The following CEP104 variants were observed in gnomAD, a reference collection of about 807,000 sequenced individuals.
The protein encoded by CEP104 is centrosomal protein 104, also known as centrosomal protein of 104 kDa.
CEP104 carries 84 observed loss-of-function variants against 113.3 expected under a neutral mutation model. That is an observed-to-expected ratio of 0.74 (90% CI 0.62 to 0.89). The LOEUF is 0.89. CEP104 is among the 40% of genes least tolerant of loss of function. CEP104 has a pLI of 0.00. For synonymous variants in CEP104, 378 were observed against 421.7 expected (o/e 0.90, Z 1.27); for missense variants, 1,053 against 1,156.6 (o/e 0.91, Z 1.30).
At chr1:3,820,905 G>A (rs563677369) in intron 20 of CEP104, among the ~76,000 whole-genome samples, 31 of 152,312 alleles carry the variant, frequency 2.0e-4, no homozygotes, top group African/African-American at 6.3e-4. Context: ...TTTGGAAACC[G>A]GGGCCCATGG....
chr1:3,856,070 C>T, intron 1 of CEP104: 1 of 474,036 alleles, frequency 2.1e-6, no homozygotes, highest in Non-Finnish European at 2.8e-6. Context: ...CATTTTGTTA[C>T]AAGACTAGGA....
At chr1:3,843,346 A>G in intron 6 of CEP104, 1 of 526,956 alleles carries the variant, frequency 1.9e-6, no homozygotes, top group South Asian at 2.5e-5. Flanking sequence ...AAAAAGAGGA[A>G]GCGGCAACAG....
chr1:3,848,547 A>AAAAAAT, intron 3 of CEP104, 61 bp downstream of exon 3: 4 of 1,390,902 alleles, frequency 2.9e-6, no homozygotes, highest in Non-Finnish European at 4.0e-6. Flanking sequence ...AAAAAAAAAA[A>AAAAAAT]GAGCTTTCAG....
chr1:3,856,719 G>A (rs146639112), intron 1 of CEP104, among the ~76,000 whole-genome samples, 170 bp downstream of exon 1: 1 of 152,092 alleles, frequency 6.6e-6, no homozygotes, highest in Admixed American at 6.5e-5. Context: ...GCTCTTCGGC[G>A]ACAGCAAGGC....
chr1:3,842,629 C>T (rs1644433723), intron 6 of CEP104, among the ~76,000 whole-genome samples: 1 of 152,252 alleles, frequency 6.6e-6, no homozygotes, highest in Non-Finnish European at 1.5e-5. Context: ...GAATTAATCA[C>T]TTTCTGCGAG....
chr1:3,822,615 A>G (rs1401501338), intron 20 of CEP104, among the ~76,000 whole-genome samples: 3 of 152,142 alleles, frequency 2.0e-5, no homozygotes, highest in Non-Finnish European at 4.4e-5. Flanking sequence ...GGAGCCTTGC[A>G]CGCCCATGTC....
At chr1:3,830,102 C>T in intron 13 of CEP104, 105 bp from the exon 14 acceptor site, 1 of 801,124 alleles carries the variant, frequency 1.2e-6, no homozygotes, top group Non-Finnish European at 2.1e-6. Flanking sequence ...AAAGAGAAAA[C>T]ATCCGTATTA....
intron 20 of CEP104, among the ~76,000 whole-genome samples, chr1:3,818,254 G>A (rs1255734915): frequency 1.3e-5 from 2 of 152,172 alleles, no homozygotes; most frequent in East Asian, 1.9e-4. Flanking sequence ...CTTTAGAAGA[G>A]TGCTCCCAGT....
At chr1:3,826,869 T>G (rs1047784059) in intron 15 of CEP104, 125 bp from the exon 16 acceptor site, 1 of 986,688 alleles carries the variant, frequency 1.0e-6, no homozygotes, top group African/African-American at 1.6e-5. Context: ...TTCTACTGGC[T>G]GGCAAGGTGG....
intron 6 of CEP104, among the ~76,000 whole-genome samples, chr1:3,842,870 C>T (rs1644437909): frequency 6.6e-6 from 1 of 152,062 alleles, no homozygotes; most frequent in African/African-American, 2.4e-5. Flanking sequence ...TCACTGCAAC[C>T]TCCACCTCCC....
At position 3,819,178 on chromosome 1, in the gene CEP104, C is replaced by G. The variant is rs917471964; in HGVS notation, c.2572-2808G>C. 1.3e-5 allele frequency among the ~76,000 whole-genome samples: 2 copies of G among 152,172 alleles called. No individual in the cohort carries two copies. Among genetic ancestry groups the G allele is most frequent in the African/African-American group, 4.8e-5 (2 of 41,436 alleles). On this transcript the variant is annotated intron_variant, in intron 20 of 21. Coordinates refer to ENST00000378230, the MANE Select transcript of CEP104 (RefSeq NM_014704.4). The surrounding 1 kb of genome is among the most constrained non-coding windows in gnomAD (Gnocchi z 4.6). ...ATGAAGTGCTACTGATCTATTAGAA[C>G]CCGGGCGAACCTTGAAAACACGTTA...
At chr1:3,815,596 AC>A in intron 21 of CEP104, 79 bp from the exon 22 acceptor site, 1 of 1,014,154 alleles carries the variant, frequency 9.9e-7, no homozygotes, top group Non-Finnish European at 1.4e-6. Context: ...GGCCACAGAC[AC>A]CCAGCAACAA....
At chr1:3,836,150 CA>C (rs1644305424) in intron 10 of CEP104, among the ~76,000 whole-genome samples, 1 of 151,846 alleles carries the variant, frequency 6.6e-6, no homozygotes, top group Non-Finnish European at 1.5e-5. Context: ...AAAAAAATTA[CA>C]AAAAATTAGC....
At chr1:3,839,555 C>T (rs1292848243) in intron 7 of CEP104, 53 bp downstream of exon 7, 13 of 1,489,874 alleles carry the variant, frequency 8.7e-6, no homozygotes, top group South Asian at 1.3e-5. Context: ...TCTAAGTATA[C>T]ATAAAACCTA....
chr1:3,817,412 A>T (rs1275252984), intron 20 of CEP104, among the ~76,000 whole-genome samples: 2 of 152,004 alleles, frequency 1.3e-5, no homozygotes, highest in Non-Finnish European at 2.9e-5. Flanking sequence ...CAGTATCTCC[A>T]CCAGACACAG....
chr1:3,828,025 C>T (rs958808362), intron 15 of CEP104, among the ~76,000 whole-genome samples: 5 of 152,150 alleles, frequency 3.3e-5, no homozygotes, highest in Non-Finnish European at 5.9e-5. Context: ...TAGGCGACCC[C>T]GGGACAGACA....
At chr1:3,836,468 G>GTTTTTTTTTT (rs36051675) in intron 10 of CEP104, 27 bp downstream of exon 10, 47 of 1,011,124 alleles carry the variant, frequency 4.6e-5, no homozygotes, top group South Asian at 1.1e-4. Flanking sequence ...CTGCCACCCC[G>GTTTTTTTTTT]TTTTTTTTTT....
At position 3,848,796 on chromosome 1, in the gene CEP104, AT is replaced by A; in HGVS notation, c.114-16del. ...ACTGGCAAAATCTGAAAGCAAACAC[AT>A]TTTTATATTTTCTGAACAACTTCTG... is the stretch of plus-strand genomic sequence containing the variant. On this transcript the variant is annotated splice_polypyrimidine_tract_variant and intron_variant, in intron 2 of 21. Transcript: ENST00000378230. 1 of 1,601,190 alleles carries A rather than the reference AT, an allele frequency of 6.2e-7. No individual in the cohort carries two copies.
At chr1:3,843,061 T>G in intron 6 of CEP104, 1 of 542,850 alleles carries the variant, frequency 1.8e-6, no homozygotes, top group Non-Finnish European at 3.4e-6. Context: ...GTGCTGGGAT[T>G]ACAGGCGTGC....
Sources: allele counts gnomAD v4.1 joint callset (sites outside exome capture counted in the v4.1 genomes callset), GRCh38; gene constraint gnomAD v4.1.1; non-coding constraint Gnocchi (gnomAD v3.1); transcripts MANE v1.5; gene names NCBI Gene and HGNC (gene_info 2026-07-23, HGNC 2026-07-21).